Variants in KCNH7 observed in about 807,000 individuals in gnomAD.
KCNH7 encodes the protein voltage-gated inwardly rectifying potassium channel KCNH7.
In KCNH7, 49 loss-of-function variants were observed where a neutral mutation model predicts 120.8. The ratio of observed to expected loss-of-function variants is 0.41; its 90% CI spans 0.32 to 0.51. The LOEUF (loss-of-function observed/expected upper bound fraction) is 0.51, where lower values mean the gene tolerates loss of function less well. Among genes scored for constraint, KCNH7 ranks in the 20% least tolerant of loss-of-function variants. The pLI is 0.38. For missense variants in KCNH7, 1,097 were observed against 1,446.6 expected (o/e 0.76, Z 3.92); for synonymous variants, 547 against 516.1 (o/e 1.06, Z -0.81).
intron 2 of KCNH7, among the ~76,000 whole-genome samples, chr2:162,596,400 T>A (rs558003781): frequency 6.6e-6 from 1 of 152,164 alleles, no homozygotes; most frequent in Admixed American, 6.6e-5. Flanking sequence ...AATAAACTTA[T>A]GTAGCTATGG....
intron 2 of KCNH7, among the ~76,000 whole-genome samples, chr2:162,548,011 T>C (rs1692538861): frequency 6.6e-6 from 1 of 152,088 alleles, no homozygotes; most frequent in Non-Finnish European, 1.5e-5. Flanking sequence ...TAAAGGTATT[T>C]TTTTCCCTAG....
At chr2:162,557,267 A>G (rs1192382533) in intron 2 of KCNH7, among the ~76,000 whole-genome samples, 2 of 152,204 alleles carry the variant, frequency 1.3e-5, no homozygotes, top group Non-Finnish European at 2.9e-5. Flanking sequence ...GCCTTCTCCA[A>G]GTGGCTTGAG....
rs193241536 is a variant in KCNH7 at position 162,739,954 on chromosome 2, G to C, written c.307+96583C>G. Among the ~76,000 whole-genome samples the C allele has an allele frequency of 4.7e-4, 72 of 151,944 alleles. 1 individual carries two copies. The East Asian group carries it at 6.3e-3, about 13-fold the overall frequency. ...CACTGTAAATGGGGAGAATTAATTG[G>C]ATTGCAGAAACTAATCCAAATAAGA... On this transcript the variant is annotated intron_variant, in intron 2 of 15. Coordinates refer to ENST00000332142, the MANE Select transcript of KCNH7 (RefSeq NM_033272.4).
chr2:162,703,875 T>C (rs1686602511), intron 2 of KCNH7, among the ~76,000 whole-genome samples: 1 of 152,110 alleles, frequency 6.6e-6, no homozygotes, highest in African/African-American at 2.4e-5. Context: ...CTCAACAAAA[T>C]GGCAGAAACA....
At chr2:162,436,191 G>A (rs538860285) in intron 7 of KCNH7, among the ~76,000 whole-genome samples, 2 of 152,156 alleles carry the variant, frequency 1.3e-5, no homozygotes, top group African/African-American at 4.8e-5. Context: ...TAAAAATGAA[G>A]ACCAAGAAGG....
chr2:162,499,502 T>C (rs1690606116), intron 6 of KCNH7, among the ~76,000 whole-genome samples: 1 of 152,136 alleles, frequency 6.6e-6, no homozygotes, highest in Non-Finnish European at 1.5e-5. Flanking sequence ...TTTTCTCTTT[T>C]CTCCAAATAA....
intron 2 of KCNH7, among the ~76,000 whole-genome samples, chr2:162,641,553 TAA>T (rs35157175): frequency 4.2e-5 from 6 of 144,456 alleles, no homozygotes; most frequent in Admixed American, 7.0e-5. Flanking sequence ...TCTCTGTATT[TAA>T]AAAAAAAAAA....
rs555448452 is a variant in KCNH7 at position 162,533,484 on chromosome 2, A to G, written c.463+3441T>C. 1.1e-4 allele frequency among the ~76,000 whole-genome samples: 17 copies of G among 151,930 alleles called. No homozygotes were observed. The East Asian group carries it at 1.9e-3, about 17-fold the overall frequency. The stretch of plus-strand genomic sequence containing the variant: ...AATGACTAAAAGATGACTTTAAAAT[A>G]CAGAAAGAAAATGGAAAAAAGAAAA... On this transcript the variant is annotated intron_variant, in intron 3 of 15. Coordinates refer to ENST00000332142, the MANE Select transcript of KCNH7 (RefSeq NM_033272.4).
chr2:162,827,791 A>G (rs953680030), intron 2 of KCNH7, among the ~76,000 whole-genome samples: 2 of 152,144 alleles, frequency 1.3e-5, no homozygotes, highest in Admixed American at 6.6e-5. Flanking sequence ...GATCATTAGT[A>G]CTTAACTTCT....
chr2:162,423,984 G>A (rs1687783267), intron 8 of KCNH7, among the ~76,000 whole-genome samples: 1 of 151,996 alleles, frequency 6.6e-6, no homozygotes, highest in Non-Finnish European at 1.5e-5. Flanking sequence ...ACTTATTTCT[G>A]CCTTTCAGCC....
At chr2:162,451,704 G>A (rs1688775792) in intron 6 of KCNH7, among the ~76,000 whole-genome samples, 1 of 152,008 alleles carries the variant, frequency 6.6e-6, no homozygotes, top group South Asian at 2.1e-4. Context: ...TATGTAGATA[G>A]ATAGTTTGAT....
chr2:162,429,577 A>G (rs1224919680), intron 8 of KCNH7, among the ~76,000 whole-genome samples: 1 of 151,366 alleles, frequency 6.6e-6, no homozygotes, highest in African/African-American at 2.4e-5. Context: ...ACAGATTCCT[A>G]TGTTGAGAGA....
At chr2:162,384,101 A>G (rs1192378397) in intron 13 of KCNH7, among the ~76,000 whole-genome samples, 1 of 151,918 alleles carries the variant, frequency 6.6e-6, no homozygotes, top group Non-Finnish European at 1.5e-5. Context: ...GCATCTACTA[A>G]TCAAGCATTA....
At chr2:162,391,831 C>T (rs949950712) in intron 12 of KCNH7, among the ~76,000 whole-genome samples, 22 of 151,926 alleles carry the variant, frequency 1.4e-4, no homozygotes, top group Admixed American at 1.1e-3. Context: ...TCCAGTAAGA[C>T]AAACATAAGA....
chr2:162,528,566 C>G, intron 3 of KCNH7, among the ~76,000 whole-genome samples: 1 of 151,840 alleles, frequency 6.6e-6, no homozygotes, highest in East Asian at 2.0e-4. Flanking sequence ...GGAACCCGCA[C>G]TAAAATATGG....
At chr2:162,489,847 TA>T (rs1249635586) in intron 6 of KCNH7, among the ~76,000 whole-genome samples, 1 of 152,218 alleles carries the variant, frequency 6.6e-6, no homozygotes, top group African/African-American at 2.4e-5. Flanking sequence ...AACAACAAGA[TA>T]ATGGAAGCAA....
chr2:162,438,277 A>G (rs1688315170), intron 7 of KCNH7, among the ~76,000 whole-genome samples: 1 of 152,164 alleles, frequency 6.6e-6, no homozygotes, highest in Admixed American at 6.6e-5. Context: ...GAGCAATGAA[A>G]TCTGCTGTGC....
At chr2:162,504,353 C>T (rs879002674) in intron 6 of KCNH7, 90 bp downstream of exon 6, 6 of 966,178 alleles carry the variant, frequency 6.2e-6, no homozygotes, top group East Asian at 2.4e-5. Context: ...TTACCTCTAC[C>T]GACAGTCATT....
At chr2:162,827,540 T>C (rs894160131) in intron 2 of KCNH7, among the ~76,000 whole-genome samples, 2 of 149,032 alleles carry the variant, frequency 1.3e-5, no homozygotes, top group Admixed American at 1.4e-4. Flanking sequence ...GATATTCATT[T>C]TGATTGATAA....
Sources: allele counts gnomAD v4.1 joint callset (sites outside exome capture counted in the v4.1 genomes callset), GRCh38; gene constraint gnomAD v4.1.1; transcripts MANE v1.5; gene names NCBI Gene and HGNC (gene_info 2026-07-23, HGNC 2026-07-21).